The following MYO10 variants were observed in gnomAD, a reference collection of about 807,000 sequenced individuals.
The protein encoded by MYO10 is unconventional myosin-X.
Under a neutral mutation model 257.3 loss-of-function variants are expected in MYO10, and 133 were observed. The observed-to-expected ratio is 0.52, with a 90% CI of 0.45 to 0.60. MYO10 has a LOEUF of 0.60. Ranked by LOEUF, MYO10 falls within the 20% of genes least tolerant of loss-of-function variation. The pLI, the probability that MYO10 is intolerant of heterozygous loss-of-function variation, is 0.00. For synonymous variants in MYO10, 1,104 were observed against 1,028.6 expected, an observed-to-expected ratio of 1.07 and a Z score of -1.40; for missense variants, 2,399 against 2,635.7, an observed-to-expected ratio of 0.91 and a Z score of 1.97.
At chr5:16,932,285 A>T (rs532696671) in intron 1 of MYO10, among the ~76,000 whole-genome samples, 3 of 152,314 alleles carry the variant, frequency 2.0e-5, no homozygotes, top group Admixed American at 6.5e-5. Flanking sequence ...TTGAACAGAC[A>T]CATCACACCT....
chr5:16,936,159 C>G lies in MYO10; in HGVS notation c.-351G>C, dbSNP rs900419157. ...AGCGCGGCCCCCTCCCTCTGCGCTC[C>G]GGCCGGGGGCCCTCGGGGCGGGCAG... On this transcript the variant is annotated 5_prime_UTR_variant, in exon 1 of 41. Coordinates refer to ENST00000513610, the MANE Select transcript of MYO10 (RefSeq NM_012334.3). 8 of 315,680 alleles carry G rather than the reference C, an allele frequency of 2.5e-5. No individual in the cohort carries two copies. The highest frequency in any genetic ancestry group is 5.2e-5 in the Admixed American group (1 of 19,148). 19.6% of individuals were successfully genotyped at this position (315,680 alleles called of 1,614,324 possible). A position where few individuals can be genotyped will look rare whatever the true frequency, so the allele number is the denominator to read the frequency against.
chr5:16,756,430 G>A (rs537122616), intron 18 of MYO10, among the ~76,000 whole-genome samples: 18 of 152,184 alleles, frequency 1.2e-4, no homozygotes, highest in South Asian at 2.1e-4. Context: ...ATTGTAATTG[G>A]TGGATGCATC....
intron 1 of MYO10, among the ~76,000 whole-genome samples, chr5:16,887,335 A>T (rs1744924021): frequency 6.6e-6 from 1 of 152,230 alleles, no homozygotes; most frequent in Non-Finnish European, 1.5e-5. Context: ...GAAAAGATAC[A>T]AAGATTCACC....
intron 2 of MYO10, among the ~76,000 whole-genome samples, chr5:16,849,339 T>C (rs574854809): frequency 6.6e-6 from 1 of 152,304 alleles, no homozygotes; most frequent in African/African-American, 2.4e-5. Flanking sequence ...CTAGGCATAC[T>C]CTTCAAAGTG....
chr5:16,716,237 G>A (rs1357384203), intron 19 of MYO10, among the ~76,000 whole-genome samples: 2 of 151,888 alleles, frequency 1.3e-5, no homozygotes, highest in Non-Finnish European at 2.9e-5. Flanking sequence ...CACACAATCT[G>A]AAAAATACTA....
chr5:16,852,904 G>A (rs996574761), intron 2 of MYO10, among the ~76,000 whole-genome samples: 2 of 152,106 alleles, frequency 1.3e-5, no homozygotes, highest in African/African-American at 4.8e-5. Flanking sequence ...AAAAGCCTTT[G>A]CCAAGAAGGC....
intron 1 of MYO10, among the ~76,000 whole-genome samples, chr5:16,890,135 T>G (rs1243012281): frequency 6.6e-6 from 1 of 151,890 alleles, no homozygotes; most frequent in Non-Finnish European, 1.5e-5. Context: ...CTTTGCAGAT[T>G]TCTATCACAT....
At chr5:16,889,189 TAA>T (rs34138785) in intron 1 of MYO10, among the ~76,000 whole-genome samples, 12 of 59,124 alleles carry the variant, frequency 2.0e-4, no homozygotes, top group African/African-American at 6.5e-4. Context: ...TAAAAAAATT[TAA>T]AAAAAAAAAA....
At position 16,912,089 on chromosome 5, in the gene MYO10, C is replaced by T. The variant is rs573445209; in HGVS notation, c.21+23699G>A. On this transcript the variant is annotated intron_variant, in intron 1 of 40. Transcript: ENST00000513610. Reference sequence around the variant, plus strand: ...TTTGTTTGTTTTTAAGCTCATCAGTCGTCTTATTGTTAGTGTTAGTATATT... The same window carrying T: ...TTTGTTTGTTTTTAAGCTCATCAGTTGTCTTATTGTTAGTGTTAGTATATT... Among the ~76,000 whole-genome samples the T allele has an allele frequency of 7.3e-5, 11 of 151,468 alleles. No homozygotes were observed. The South Asian group carries it at 1.9e-3, about 26-fold the overall frequency.
At chr5:16,787,127 T>C (rs2052837) in intron 4 of MYO10, among the ~76,000 whole-genome samples, 113,651 of 151,992 alleles carry the variant, frequency 0.75, 43,023 homozygotes, top group Non-Finnish European at 0.82. Flanking sequence ...AGAGATTGCA[T>C]CACTGCACTC....
chr5:16,835,581 G>T (rs1743290195), intron 2 of MYO10, among the ~76,000 whole-genome samples: 1 of 140,510 alleles, frequency 7.1e-6, no homozygotes, highest in Non-Finnish European at 1.5e-5. Flanking sequence ...AAAACTAGGA[G>T]AACTCACAAC....
Position 16,681,355 on chromosome 5 carries a change from G to C in MYO10, c.4338C>G (p.Ser1446Arg), listed in dbSNP as rs575745513. ...CATCTGGGGGGACGACAGAGCAGAG[G>C]CTGTTGAGGACCAGGGTCCCCAGTT... Reference protein sequence around the residue: ...ALKLGTLVLNSLCSVVPPDEK... With the variant: ...ALKLGTLVLNRLCSVVPPDEK... Residue 1446 changes from serine (S) to arginine (R), a missense_variant, in exon 32 of 41, where the codon AGC becomes AGG. Coordinates refer to ENST00000513610, the MANE Select transcript of MYO10 (RefSeq NM_012334.3). 1.2e-6 allele frequency: 2 copies of C among 1,613,876 alleles called. No homozygotes were observed. The highest frequency in any genetic ancestry group is 2.7e-5 in the African/African-American group (2 of 75,022).
In MYO10 at chr5:16,935,874, G is replaced by C; in HGVS notation, c.-66C>G. On this transcript the variant is annotated 5_prime_UTR_variant, in exon 1 of 41. Transcript: ENST00000513610. The stretch of plus-strand genomic sequence containing the variant: ...CTCGCGGAAGTCAGCGCCGCCGCGG[G>C]TCCGGGGAAACCATGCGTGTCACGG... 1 of 1,594,106 alleles carries C rather than the reference G, an allele frequency of 6.3e-7. No individual in the cohort carries two copies. Among genetic ancestry groups the C allele is most frequent in the Non-Finnish European group, 8.5e-7 (1 of 1,170,212 alleles).
intron 2 of MYO10, among the ~76,000 whole-genome samples, chr5:16,835,050 C>T (rs891610830): frequency 2.6e-5 from 4 of 151,730 alleles, no homozygotes; most frequent in African/African-American, 4.8e-5. Context: ...TGGTGGCACA[C>T]GCCTGTACCC....
chr5:16,899,652 A>G lies in MYO10; in HGVS notation c.22-21945T>C, dbSNP rs1024024501. Among the ~76,000 whole-genome samples, 4 of 151,818 alleles carry G rather than the reference A, an allele frequency of 2.6e-5. No homozygotes were observed. In the East Asian group the frequency reaches 7.7e-4, roughly 29 times the overall value. ...TCAAAAAAAAAAAAAACAAAAAACA[A>G]TGTGATAAATCAGAATTGCTACAAG... On this transcript the variant is annotated intron_variant, in intron 1 of 40. Transcript: ENST00000513610.
chr5:16,907,183 T>C (rs1745542343), intron 1 of MYO10, among the ~76,000 whole-genome samples: 1 of 152,200 alleles, frequency 6.6e-6, no homozygotes, highest in African/African-American at 2.4e-5. Flanking sequence ...TCGCCATTTC[T>C]GGTAGCCACT....
At chr5:16,895,198 T>C (rs1357633095) in intron 1 of MYO10, among the ~76,000 whole-genome samples, 1 of 152,246 alleles carries the variant, frequency 6.6e-6, no homozygotes, top group Admixed American at 6.5e-5. Context: ...TTTTAATTCT[T>C]TCTCAGTTTG....
rs117804879 is a variant in MYO10 at position 16,900,205 on chromosome 5, C to T, written c.22-22498G>A. 5.3e-5 allele frequency among the ~76,000 whole-genome samples: 8 copies of T among 152,148 alleles called. No homozygotes were observed. In the East Asian group the frequency reaches 1.4e-3, roughly 26 times the overall value. Reference sequence around the variant, plus strand: ...TCGGTTCCTTATTTAAGTTATTGGTCGTTCAGAGTTAAGACAAATAAAACT... The same window carrying T: ...TCGGTTCCTTATTTAAGTTATTGGTTGTTCAGAGTTAAGACAAATAAAACT... On this transcript the variant is annotated intron_variant, in intron 1 of 40. Transcript: ENST00000513610.
chr5:16,846,981 G>A (rs1743652516), intron 2 of MYO10, among the ~76,000 whole-genome samples: 1 of 152,088 alleles, frequency 6.6e-6, no homozygotes, highest in Admixed American at 6.6e-5. Flanking sequence ...AGCTGGGTGT[G>A]GTGGCACACA....
Sources: allele counts gnomAD v4.1 joint callset (sites outside exome capture counted in the v4.1 genomes callset), GRCh38; gene constraint gnomAD v4.1.1; transcripts MANE v1.5; gene names NCBI Gene and HGNC (gene_info 2026-07-23, HGNC 2026-07-21).